CNBD1: variants seen among roughly 807,000 people sequenced by gnomAD.
CNBD1 encodes cyclic nucleotide binding domain containing 1.
A neutral mutation model predicts 54.4 loss-of-function variants in CNBD1; 71 were observed. That is an observed-to-expected ratio of 1.30 (90% CI 1.08 to 1.59). CNBD1 has a LOEUF of 1.59. Among genes scored for constraint, CNBD1 ranks in the 40% most tolerant of loss-of-function variants. The pLI, the probability that CNBD1 is intolerant of heterozygous loss-of-function variation, is 0.00. For missense variants in CNBD1, 659 were observed against 518.0 expected (o/e 1.27, Z -2.64); for synonymous variants, 182 against 170.7 (o/e 1.07, Z -0.51).
chr8:87,400,748 A>G (rs114617239), intron 2 of CNBD1, among the ~76,000 whole-genome samples: 1,822 of 152,142 alleles, frequency 0.012, 39 homozygotes, highest in African/African-American at 0.039. Flanking sequence ...AAAGGAAAAA[A>G]AATTACTTAT....
intron 5 of CNBD1, among the ~76,000 whole-genome samples, chr8:87,227,862 T>A (rs1032562418): frequency 6.7e-6 from 1 of 148,252 alleles, no homozygotes; most frequent in African/African-American, 2.6e-5. Context: ...ATTCTCCCCA[T>A]CACTTTCAGG....
chr8:87,190,873 A>ACAGATACATGTACCTATATCTATT (rs1813589258), intron 4 of CNBD1, among the ~76,000 whole-genome samples: 4 of 139,468 alleles, frequency 2.9e-5, no homozygotes, highest in Admixed American at 2.1e-4. Flanking sequence ...CTAAATAGAT[A>ACAGATACATGTACCTATATCTATT]TAGATACATG....
intron 4 of CNBD1, among the ~76,000 whole-genome samples, chr8:87,062,672 C>G (rs866066684): frequency 6.6e-6 from 1 of 151,272 alleles, no homozygotes; most frequent in African/African-American, 2.4e-5. Context: ...CGGGAGGCAG[C>G]GATTGCGGTG....
chr8:87,297,168 A>G (rs1808893548), intron 8 of CNBD1, among the ~76,000 whole-genome samples: 1 of 80,028 alleles, frequency 1.2e-5, no homozygotes, highest in South Asian at 3.4e-4. Context: ...CGTCTCAAAA[A>G]AAAAAAAAAA....
At chr8:87,051,194 G>A (rs1810303698) in intron 4 of CNBD1, among the ~76,000 whole-genome samples, 1 of 152,096 alleles carries the variant, frequency 6.6e-6, no homozygotes, top group African/African-American at 2.4e-5. Flanking sequence ...TCAAGTTAAG[G>A]GCTTCCCTGA....
intron 2 of CNBD1, among the ~76,000 whole-genome samples, chr8:87,404,277 T>C (rs1807617299): frequency 6.6e-6 from 1 of 152,062 alleles, no homozygotes; most frequent in South Asian, 2.1e-4. Context: ...AGTAGTTTTG[T>C]GATATCTAAC....
chr8:87,109,515 G>C (rs144125404), intron 4 of CNBD1, among the ~76,000 whole-genome samples: 109 of 148,570 alleles, frequency 7.3e-4, no homozygotes, highest in Admixed American at 6.7e-3. Flanking sequence ...TAAAAGTCAG[G>C]GTTTGTTTCT....
At position 86,977,166 on chromosome 8, in the gene CNBD1, C is replaced by T. The variant is rs117093408; in HGVS notation, c.431+37412C>T. 8.6e-3 allele frequency among the ~76,000 whole-genome samples: 1,301 copies of T among 152,098 alleles called. 39 individuals are homozygous for T. Among genetic ancestry groups the T allele is most frequent in the East Asian group, 0.066 (343 of 5,184 alleles). On this transcript the variant is annotated intron_variant, in intron 4 of 10. Transcript: ENST00000518476. ...ATAATATTAGCTGTTGCCTTGTCAC[C>T]TATGGCCTTTATAGTGTTGGGGAAC...
intron 4 of CNBD1, among the ~76,000 whole-genome samples, chr8:87,057,929 C>T (rs1810457818): frequency 1.3e-5 from 2 of 152,076 alleles, no homozygotes; most frequent in South Asian, 4.1e-4. Flanking sequence ...CTCATTCAAG[C>T]ATTAACTCAA....
chr8:86,913,094 TTA>T, intron 3 of CNBD1, among the ~76,000 whole-genome samples: 2 of 152,328 alleles, frequency 1.3e-5, no homozygotes, highest in African/African-American at 4.8e-5. Context: ...ATGAAAAATC[TTA>T]TAAAGTCAAA....
chr8:87,119,766 G>C (rs931323376), intron 4 of CNBD1, among the ~76,000 whole-genome samples: 3 of 151,990 alleles, frequency 2.0e-5, no homozygotes, highest in Non-Finnish European at 2.9e-5. Context: ...TCTATGTCTA[G>C]TTTGTTGAGA....
chr8:86,912,319 G>C (rs1366688051), intron 3 of CNBD1, among the ~76,000 whole-genome samples: 2 of 152,144 alleles, frequency 1.3e-5, no homozygotes, highest in Non-Finnish European at 2.9e-5. Context: ...AAATAATGTG[G>C]CAGAAGCTAA....
intron 4 of CNBD1, among the ~76,000 whole-genome samples, chr8:86,974,815 G>A (rs914984113): frequency 3.3e-5 from 5 of 151,878 alleles, no homozygotes; most frequent in African/African-American, 1.2e-4. Context: ...GTATGTTTAT[G>A]TTCGGTTTCT....
At chr8:87,369,404 A>C (rs763748937) in intron 10 of CNBD1, among the ~76,000 whole-genome samples, 15 of 151,986 alleles carry the variant, frequency 9.9e-5, no homozygotes, top group Non-Finnish European at 1.9e-4. Flanking sequence ...ACCTCTGCTC[A>C]TGCTCTTTAT....
chr8:86,870,202 T>TTTTTTTTTTTTTTTTTTC (rs1808423196), intron 1 of CNBD1, among the ~76,000 whole-genome samples: 1 of 145,522 alleles, frequency 6.9e-6, no homozygotes, highest in Admixed American at 6.9e-5. Context: ...TTTTTTTTTT[T>TTTTTTTTTTTTTTTTTTC]TTCTGAGACG....
At chr8:87,293,684 A>G (rs1282384133) in intron 8 of CNBD1, among the ~76,000 whole-genome samples, 1 of 152,236 alleles carries the variant, frequency 6.6e-6, no homozygotes, top group Non-Finnish European at 1.5e-5. Flanking sequence ...AACAAATGAG[A>G]TAGATCAAAA....
At chr8:87,087,644 T>G (rs1811129508) in intron 4 of CNBD1, among the ~76,000 whole-genome samples, 1 of 151,912 alleles carries the variant, frequency 6.6e-6, no homozygotes, top group African/African-American at 2.4e-5. Flanking sequence ...TTTTTTGTAT[T>G]TTTAGTAGAG....
At chr8:86,970,669 A>G (rs1808199454) in intron 4 of CNBD1, among the ~76,000 whole-genome samples, 1 of 151,862 alleles carries the variant, frequency 6.6e-6, no homozygotes, top group Non-Finnish European at 1.5e-5. Context: ...CTATGTATGT[A>G]GTGTTTAGCT....
At chr8:87,413,261 C>G (rs1807778762) in intron 2 of CNBD1, among the ~76,000 whole-genome samples, 1 of 151,976 alleles carries the variant, frequency 6.6e-6, no homozygotes, top group African/African-American at 2.4e-5. Flanking sequence ...CTTAACTTTC[C>G]CTTTTGCATA....
Sources: gnomAD v4.1 joint callset for allele counts (sites outside exome capture counted in the v4.1 genomes callset) on GRCh38, gnomAD v4.1.1 for gene constraint, MANE v1.5 for transcripts, NCBI Gene and HGNC (gene_info 2026-07-23, HGNC 2026-07-21) for gene names.